FCRLA: variants seen among roughly 807,000 people sequenced by gnomAD.
FCRLA encodes Fc receptor-like A.
FCRLA carries 26 observed loss-of-function variants against 28.4 expected under a neutral mutation model. That is an observed-to-expected ratio of 0.91 (90% CI 0.67 to 1.27). The LOEUF (loss-of-function observed/expected upper bound fraction) is 1.27, where lower values mean the gene tolerates loss of function less well. Ranked by LOEUF, FCRLA falls within the 50% of genes most tolerant of loss-of-function variation. FCRLA has a pLI of 0.00. For missense variants in FCRLA, 422 were observed against 433.1 expected, an observed-to-expected ratio of 0.97 and a Z score of 0.23; for synonymous variants, 174 against 168.5, an observed-to-expected ratio of 1.03 and a Z score of -0.25.
intron 3 of FCRLA, 59 bp from the exon 4 acceptor site, chr1:161,711,875 A>G: frequency 6.5e-7 from 1 of 1,529,606 alleles, no homozygotes; most frequent in African/African-American, 1.4e-5. Flanking sequence ...CTTCACCTGC[A>G]TGTGTCTACC....
At position 161,712,002 on chromosome 1, in the gene FCRLA, C is replaced by A. The variant is rs1425516844; in HGVS notation, c.568C>A (p.Leu190Met). The A allele has an allele frequency of 6.2e-7, 1 of 1,614,146 alleles. No homozygotes were observed. Among genetic ancestry groups the A allele is most frequent in the South Asian group, 1.1e-5 (1 of 91,084 alleles). Residue 190 changes from leucine (L) to methionine (M), a missense_variant, in exon 4 of 5, where the codon CTG becomes ATG. Leu to Met is a conservative substitution (Grantham distance 15). Coordinates refer to ENST00000236938, the MANE Select transcript of FCRLA (RefSeq NM_032738.4). ...AEPQAGSPMT[L>M]SCQTKLPLQR... ...ACCCCAAGCAGGAAGCCCCATGACC[C>A]TGAGTTGTCAGACAAAGTTGCCCCT...
chr1:161,713,427 T>C lies in FCRLA; in HGVS notation c.*47T>C, dbSNP rs781493989. ...TCTCACTTAACCACCCCAATAAATCTGATTCTTTATTTTCTCTTCCTGTCC... is the reference window on the plus strand; with the variant it reads ...TCTCACTTAACCACCCCAATAAATCCGATTCTTTATTTTCTCTTCCTGTCC... On this transcript the variant is annotated 3_prime_UTR_variant, in exon 5 of 5. Transcript: ENST00000236938. 7 of 1,466,884 alleles carry C rather than the reference T, an allele frequency of 4.8e-6. No individual in the cohort carries two copies. The East Asian group carries it at 1.6e-4, about 33-fold the overall frequency. 90.9% of individuals were successfully genotyped at this position (1,466,884 alleles called of 1,614,324 possible). A position where few individuals can be genotyped will look rare whatever the true frequency, so the allele number is the denominator to read the frequency against.
chr1:161,713,407 C>G lies in FCRLA; in HGVS notation c.*27C>G. 1 of 1,550,862 alleles carries G rather than the reference C, an allele frequency of 6.4e-7. No homozygotes were observed. Among genetic ancestry groups the G allele is most frequent in the Non-Finnish European group, 8.8e-7 (1 of 1,135,518 alleles). ...AGTAAACAGTTCATCCATGATCTCA[C>G]TTAACCACCCCAATAAATCTGATTC... On this transcript the variant is annotated 3_prime_UTR_variant, in exon 5 of 5. Coordinates refer to ENST00000236938, the MANE Select transcript of FCRLA (RefSeq NM_032738.4).
rs752143645 is a variant in FCRLA, at chr1:161,711,438, C to T, written c.463C>T (p.Pro155Ser). Residue 155 changes from proline to serine, a missense_variant, in exon 3 of 5, where the codon CCA becomes TCA. This residue lies in a region of FCRLA where 231 missense variants were observed against 214.6 expected (regional missense o/e 1.08). Coordinates refer to ENST00000236938, the MANE Select transcript of FCRLA (RefSeq NM_032738.4). ...CTTCCAGAGCCCTGGTCCTGGGATC[C>T]CAGAAACAGCATCTGTTGTGGCTAT... ...GIFQSPGPGI[P>S]ETASVVAITV... The T allele has an allele frequency of 6.8e-6, 11 of 1,614,144 alleles. No homozygotes were observed. The South Asian group carries it at 1.2e-4, about 18-fold the overall frequency.
rs370265227 is a variant in FCRLA, at chr1:161,710,784, G to A, written c.104G>A (p.Cys35Tyr). 10 of 1,614,062 alleles carry A rather than the reference G, an allele frequency of 6.2e-6. No individual in the cohort carries two copies. The highest frequency in any genetic ancestry group is 7.6e-6 in the Non-Finnish European group (9 of 1,180,044). The change falls in exon 2 of 5, where the codon TGT becomes TAT. Residue 35 changes from cysteine (C) to tyrosine (Y), a missense_variant. Physicochemically the swap from Cys to Tyr is radical, Grantham distance 194 (BLOSUM62 -2). Coordinates refer to ENST00000236938, the MANE Select transcript of FCRLA (RefSeq NM_032738.4). ...GCTGCCAGTTTTGAGACGCTGCAGTGTGAGGGACCTGTCTGCACTGAGGAG... is the reference window on the plus strand; with the variant it reads ...GCTGCCAGTTTTGAGACGCTGCAGTATGAGGGACCTGTCTGCACTGAGGAG... The part of the protein sequence containing the change: ...LLAASFETLQ[C>Y]EGPVCTEESS...
intron 3 of FCRLA, 127 bp downstream of exon 3, chr1:161,711,601 G>A: frequency 2.4e-6 from 3 of 1,273,738 alleles, no homozygotes; most frequent in Non-Finnish European, 3.2e-6. Context: ...GCTGGCAAAT[G>A]CCCAAGTTGG....
chr1:161,710,174 A>T (rs1683023029), intron 1 of FCRLA: 1 of 444,316 alleles, frequency 2.3e-6, no homozygotes, highest in Non-Finnish European at 4.1e-6. Flanking sequence ...TTGCACAGTG[A>T]AGTAAAAAGA....
At position 161,714,160 on chromosome 1, in the gene FCRLA, A is replaced by C. The variant is rs1161431592; in HGVS notation, c.*780A>C. 1.3e-5 allele frequency: 2 copies of C among 152,228 alleles called. No individual in the cohort carries two copies. The highest frequency in any genetic ancestry group is 2.9e-5 in the Non-Finnish European group (2 of 68,042). The allele number at this position is 152,228 out of a possible 1,614,324, so 9.4% of individuals were successfully genotyped here. A position where few individuals can be genotyped will look rare whatever the true frequency, so the allele number is the denominator to read the frequency against. On this transcript the variant is annotated 3_prime_UTR_variant, in exon 5 of 5. Coordinates refer to ENST00000236938, the MANE Select transcript of FCRLA (RefSeq NM_032738.4). ...TCAGGAGTGCAGAGCCCTCATGATT[A>C]GGATTAGTGCCCTTATTTAAAAAGG...
chr1:161,711,178 G>T lies in FCRLA; in HGVS notation c.233-30G>T, dbSNP rs1366296001. ...GGGTGGCCCCCAAGGGAGGCCCTGG[G>T]TGACACTCAGCTCTTTCTCTGGACC... On this transcript the variant is annotated intron_variant, in intron 2 of 4. Transcript: ENST00000236938. 3.1e-6 allele frequency: 5 copies of T among 1,590,622 alleles called. No individual in the cohort carries two copies. In the East Asian group the frequency reaches 9.0e-5, roughly 29 times the overall value.
At position 161,710,345 on chromosome 1, in the gene FCRLA, A is replaced by T. The variant is rs1032462525; in HGVS notation, c.80-415A>T. The T allele has an allele frequency of 8.6e-5, 68 of 791,602 alleles. 1 individual carries two copies. In the East Asian group the frequency reaches 1.6e-3, roughly 19 times the overall value. The allele number at this position is 791,602 out of a possible 1,614,324, so 49.0% of individuals were successfully genotyped here. A position where few individuals can be genotyped will look rare whatever the true frequency, so the allele number is the denominator to read the frequency against. On this transcript the variant is annotated intron_variant, in intron 1 of 4. Coordinates refer to ENST00000236938, the MANE Select transcript of FCRLA (RefSeq NM_032738.4). ...GGAAAGTTTGTGAGGATGAAGTTAG[A>T]TACTGCACACAAGTGCTAGCAGGGT...
chr1:161,712,466 A>T (rs1405760848), intron 4 of FCRLA, among the ~76,000 whole-genome samples: 1 of 152,122 alleles, frequency 6.6e-6, no homozygotes, highest in Non-Finnish European at 1.5e-5. Flanking sequence ...GCTGCCCCAC[A>T]AGCCTTAGCA....
Position 161,713,276 on chromosome 1 carries a change from A to C in FCRLA, c.976A>C (p.Lys326Gln). The change falls in exon 5 of 5, where the codon AAA (lysine) becomes CAA (glutamine). Residue 326 changes from lysine to glutamine, a missense_variant. Coordinates refer to ENST00000236938, the MANE Select transcript of FCRLA (RefSeq NM_032738.4). ...GTATCACCAGATGGGCCTTCTTCTCAAACACATGCAGGATGTGAGAGTCCT... is the reference window on the plus strand; with the variant it reads ...GTATCACCAGATGGGCCTTCTTCTCCAACACATGCAGGATGTGAGAGTCCT... ...HLYHQMGLLL[K>Q]HMQDVRVLLG... The C allele has an allele frequency of 6.2e-7, 1 of 1,614,206 alleles. No individual in the cohort carries two copies. Among genetic ancestry groups the C allele is most frequent in the Non-Finnish European group, 8.5e-7 (1 of 1,180,026 alleles).
intron 4 of FCRLA, 45 bp from the exon 5 acceptor site, chr1:161,713,040 G>T: frequency 6.4e-7 from 1 of 1,567,040 alleles, no homozygotes; most frequent in Non-Finnish European, 8.6e-7. Flanking sequence ...GGAAGGGCCA[G>T]AGTCAGACTT....
intron 3 of FCRLA, 47 bp from the exon 4 acceptor site, chr1:161,711,887 G>A: frequency 5.1e-6 from 8 of 1,562,946 alleles, no homozygotes; most frequent in Non-Finnish European, 6.9e-6. Flanking sequence ...GTGTCTACCT[G>A]TATATAAGAT....
chr1:161,711,373 T>G lies in FCRLA; in HGVS notation c.398T>G (p.Val133Gly). The G allele has an allele frequency of 6.2e-7, 1 of 1,614,112 alleles. No homozygotes were observed. The highest frequency in any genetic ancestry group is 8.5e-7 in the Non-Finnish European group (1 of 1,180,004). Residue 133 changes from valine (V) to glycine (G), a missense_variant, in exon 3 of 5, where the codon GTA becomes GGA. Physicochemically the swap from Val to Gly is moderately radical, Grantham distance 109. Coordinates refer to ENST00000236938, the MANE Select transcript of FCRLA (RefSeq NM_032738.4). ...GPNREFSITV[V>G]QKADSGHYHC... ...AACAGGGAATTCTCCATCACCGTGG[T>G]ACAAAAGGCAGACAGCGGGCACTAC...
rs1184415454 is a variant in FCRLA, at chr1:161,710,799, G to T, written c.119G>T (p.Cys40Phe). 5.6e-6 allele frequency: 9 copies of T among 1,614,012 alleles called. No individual in the cohort carries two copies. Among genetic ancestry groups the T allele is most frequent in the African/African-American group, 5.3e-5 (4 of 74,912 alleles). ...ACGCTGCAGTGTGAGGGACCTGTCTGCACTGAGGAGAGCAGCTGCCACACG... is the reference window on the plus strand; with the variant it reads ...ACGCTGCAGTGTGAGGGACCTGTCTTCACTGAGGAGAGCAGCTGCCACACG... ...FETLQCEGPV[C>F]TEESSCHTED... The change falls in exon 2 of 5, where the codon TGC becomes TTC. Residue 40 changes from cysteine (C) to phenylalanine (F), a missense_variant. Cys to Phe is a radical substitution (Grantham distance 205, BLOSUM62 -2). Around this residue, in one of 3 missense-constraint regions of FCRLA, gnomAD observed 231 missense variants for 214.6 expected, o/e 1.08. Coordinates refer to ENST00000236938, the MANE Select transcript of FCRLA (RefSeq NM_032738.4).
intron 1 of FCRLA, 185 bp from the exon 2 acceptor site, chr1:161,710,575 G>T: frequency 6.8e-7 from 1 of 1,478,514 alleles, no homozygotes; most frequent in South Asian, 1.2e-5. Context: ...GGACGCCAGT[G>T]AATCAAGGTC....
intron 4 of FCRLA, 98 bp downstream of exon 4, chr1:161,712,316 G>T (rs779069670): frequency 2.1e-6 from 3 of 1,441,624 alleles, no homozygotes; most frequent in Non-Finnish European, 2.8e-6. Context: ...TTCAGTGTGA[G>T]CAGGTTAAGA....
Position 161,713,126 on chromosome 1 carries a change from C to T in FCRLA, c.826C>T (p.Pro276Ser). The T allele has an allele frequency of 6.2e-7, 1 of 1,614,044 alleles. No homozygotes were observed. Among genetic ancestry groups the T allele is most frequent in the South Asian group, 1.1e-5 (1 of 91,074 alleles). ...SAAPPTLNPAPQKSAAPGTAP... is the reference protein window; with the variant it reads ...SAAPPTLNPASQKSAAPGTAP... ...TGCACCTCCCACATTGAATCCAGCTCCTCAGAAATCAGCTGCTCCAGGAAC... is the reference window on the plus strand; with the variant it reads ...TGCACCTCCCACATTGAATCCAGCTTCTCAGAAATCAGCTGCTCCAGGAAC... The change falls in exon 5 of 5, where the codon CCT (proline) becomes TCT (serine). Residue 276 changes from proline to serine, a missense_variant. Coordinates refer to ENST00000236938, the MANE Select transcript of FCRLA (RefSeq NM_032738.4).
Sources: gnomAD v4.1 joint callset for allele counts (sites outside exome capture counted in the v4.1 genomes callset) on GRCh38, gnomAD v4.1.1 for gene constraint, gnomAD v4.1.1 regional missense constraint, MANE v1.5 for transcripts, NCBI Gene and HGNC (gene_info 2026-07-23, HGNC 2026-07-21) for gene names.